The following CDH9 variants were observed in gnomAD, a reference collection of about 807,000 sequenced individuals.
The protein encoded by CDH9 is cadherin-9.
In CDH9, 28 loss-of-function variants were observed where a neutral mutation model predicts 70.9. The ratio of observed to expected loss-of-function variants is 0.40; its 90% confidence interval spans 0.29 to 0.54. The LOEUF is 0.54. Among genes scored for constraint, CDH9 ranks in the 20% least tolerant of loss-of-function variants. The pLI, the probability that CDH9 is intolerant of heterozygous loss-of-function variation, is 0.59. For synonymous variants in CDH9, 409 were observed against 343.1 expected (o/e 1.19, Z -2.12); for missense variants, 874 against 984.4 (o/e 0.89, Z 1.50).
intron 1 of CDH9, among the ~76,000 whole-genome samples, chr5:27,000,724 A>G (rs1742753061): frequency 2.0e-5 from 3 of 152,182 alleles, no homozygotes; most frequent in Non-Finnish European, 4.4e-5. Flanking sequence ...GATTTTTAAT[A>G]GATGAATAGA....
At chr5:27,026,585 T>C (rs1743225026) in intron 1 of CDH9, among the ~76,000 whole-genome samples, 2 of 152,054 alleles carry the variant, frequency 1.3e-5, no homozygotes, top group Non-Finnish European at 2.9e-5. Context: ...AAATACCTTC[T>C]TGTGATTAAA....
intron 2 of CDH9, among the ~76,000 whole-genome samples, chr5:26,949,436 T>C (rs765417206): frequency 6.6e-6 from 1 of 152,194 alleles, no homozygotes; most frequent in Non-Finnish European, 1.5e-5. Flanking sequence ...AGGATTAATA[T>C]TCCAAGGAAG....
intron 2 of CDH9, among the ~76,000 whole-genome samples, chr5:26,973,513 C>T (rs1051310215): frequency 6.6e-6 from 1 of 151,848 alleles, no homozygotes; most frequent in African/African-American, 2.4e-5. Flanking sequence ...GATGTTGTTA[C>T]TTGAAATTCA....
intron 1 of CDH9, among the ~76,000 whole-genome samples, chr5:27,020,747 CT>C (rs1358774726): frequency 2.9e-5 from 4 of 137,818 alleles, no homozygotes; most frequent in African/African-American, 1.0e-4. Context: ...CACACACACA[CT>C]ATATATATAT....
rs114133096 is a variant in CDH9 at position 26,935,340 on chromosome 5, C to T, written c.229-19416G>A. On this transcript the variant is annotated intron_variant, in intron 2 of 11. Coordinates refer to ENST00000231021, the MANE Select transcript of CDH9 (RefSeq NM_016279.4). Reference sequence around the variant, plus strand: ...ACATGAGAAACAAGGCAAGAATGTACCCTCTTAATCACTCCTATTCAACAT... The same window carrying T: ...ACATGAGAAACAAGGCAAGAATGTATCCTCTTAATCACTCCTATTCAACAT... 1.1e-3 allele frequency among the ~76,000 whole-genome samples: 165 copies of T among 152,194 alleles called. 1 individual carries two copies. The highest frequency in any genetic ancestry group is 2.2e-3 in the Admixed American group (33 of 15,280).
At chr5:26,947,137 A>T (rs534513660) in intron 2 of CDH9, among the ~76,000 whole-genome samples, 2 of 152,240 alleles carry the variant, frequency 1.3e-5, no homozygotes, top group Non-Finnish European at 2.9e-5. Context: ...GCAATTTTTG[A>T]ATTGTCCTAG....
At chr5:26,970,335 G>C (rs376408650) in intron 2 of CDH9, among the ~76,000 whole-genome samples, 48 of 151,730 alleles carry the variant, frequency 3.2e-4, no homozygotes, top group African/African-American at 1.2e-3. Context: ...TTTTCAAGTA[G>C]CTATGTAAAG....
At chr5:26,924,349 G>A (rs780971860) in intron 2 of CDH9, among the ~76,000 whole-genome samples, 6 of 151,422 alleles carry the variant, frequency 4.0e-5, no homozygotes, top group Middle Eastern at 6.8e-3. Context: ...GGACCATGAA[G>A]AAATCCAAAA....
At chr5:26,883,664 G>T (rs949754562) in intron 11 of CDH9, among the ~76,000 whole-genome samples, 1 of 151,958 alleles carries the variant, frequency 6.6e-6, no homozygotes, top group Non-Finnish European at 1.5e-5. Context: ...AAGCAAGCAC[G>T]GTTTTCTTTG....
chr5:26,923,395 T>G (rs1478303780), intron 2 of CDH9, among the ~76,000 whole-genome samples: 1 of 151,836 alleles, frequency 6.6e-6, no homozygotes, highest in Non-Finnish European at 1.5e-5. Flanking sequence ...AACCTATATA[T>G]AAAACCTTAG....
intron 2 of CDH9, among the ~76,000 whole-genome samples, chr5:26,958,201 TGAAAATGAGAA>T (rs1741977235): frequency 6.6e-6 from 1 of 152,028 alleles, no homozygotes; most frequent in South Asian, 2.1e-4. Flanking sequence ...CAGAGGAGAG[TGAAAATGAGAA>T]GAAAATGAAC....
chr5:26,933,572 G>T (rs1303872847), intron 2 of CDH9, among the ~76,000 whole-genome samples: 1 of 151,558 alleles, frequency 6.6e-6, no homozygotes, highest in African/African-American at 2.4e-5. Context: ...TCAAGAGATC[G>T]AGACCATCCA....
At chr5:26,987,978 A>G in intron 2 of CDH9, 128 bp downstream of exon 2, 1 of 664,098 alleles carries the variant, frequency 1.5e-6, no homozygotes, top group South Asian at 2.0e-5. Flanking sequence ...AATAGTTTGC[A>G]ATATCACACC....
At chr5:26,994,013 C>T (rs1010730444) in intron 1 of CDH9, among the ~76,000 whole-genome samples, 3 of 152,154 alleles carry the variant, frequency 2.0e-5, no homozygotes, top group African/African-American at 7.2e-5. Context: ...TTTAAACTTG[C>T]TTTGGACCTG....
chr5:27,021,594 A>T (rs538145920), intron 1 of CDH9, among the ~76,000 whole-genome samples: 229 of 151,978 alleles, frequency 1.5e-3, no homozygotes, highest in African/African-American at 4.1e-3. Context: ...GCAGTTATAA[A>T]GTTCCAAACA....
At chr5:26,891,936 A>C (rs906489032) in intron 7 of CDH9, among the ~76,000 whole-genome samples, 5 of 152,118 alleles carry the variant, frequency 3.3e-5, no homozygotes, top group Admixed American at 1.3e-4. Flanking sequence ...AAGGACTTGA[A>C]ATCTGTTCAC....
intron 2 of CDH9, among the ~76,000 whole-genome samples, chr5:26,918,691 G>C (rs893872711): frequency 6.6e-6 from 1 of 152,190 alleles, no homozygotes; most frequent in Non-Finnish European, 1.5e-5. Context: ...AGCTGAGTAA[G>C]AGAGAATTTA....
intron 2 of CDH9, among the ~76,000 whole-genome samples, chr5:26,962,651 C>T (rs760720123): frequency 6.6e-6 from 1 of 152,038 alleles, no homozygotes; most frequent in Non-Finnish European, 1.5e-5. Context: ...GCCCTTTTTA[C>T]TAACAACCTG....
chr5:26,988,026 C>T, intron 2 of CDH9, 80 bp downstream of exon 2: 1 of 919,180 alleles, frequency 1.1e-6, no homozygotes, highest in Non-Finnish European at 1.7e-6. Flanking sequence ...TTAATAATCA[C>T]TAGTGAAAAG....
Sources: allele counts gnomAD v4.1 joint callset (sites outside exome capture counted in the v4.1 genomes callset), GRCh38; gene constraint gnomAD v4.1.1; transcripts MANE v1.5; gene names NCBI Gene and HGNC (gene_info 2026-07-23, HGNC 2026-07-21).